THNSL1: variants seen among roughly 807,000 people sequenced by gnomAD.
THNSL1 encodes threonine synthase like 1, also known as threonine synthase-like 1.
A neutral mutation model predicts 50.4 loss-of-function variants in THNSL1; 48 were observed. That is an observed-to-expected ratio of 0.95 (90% CI 0.76 to 1.21). THNSL1 has a LOEUF of 1.21. Ranked by LOEUF, THNSL1 falls within the 50% of genes most tolerant of loss-of-function variation. The probability of loss-of-function intolerance (pLI) is 0.00; values close to 1 mark genes in which losing one functional copy is unlikely to be tolerated. For missense variants in THNSL1, 896 were observed against 871.7 expected (o/e 1.03, Z -0.35); for synonymous variants, 309 against 306.1 (o/e 1.01, Z -0.10).
Position 25,024,292 on chromosome 10 carries a change from CT to C in THNSL1, c.1071del (p.Met358CysfsTer16). On this transcript the variant is annotated frameshift_variant, in exon 3 of 3. Coordinates refer to ENST00000376356, the MANE Select transcript of THNSL1 (RefSeq NM_024838.5). LOFTEE classifies it high-confidence loss of function. ...ATCATTTAAAGATTTGTCTTTACAGCTTATGCCTCATATTTTTGCACACTGT... is the reference window on the plus strand; with the variant it reads ...ATCATTTAAAGATTTGTCTTTACAGCTATGCCTCATATTTTTGCACACTGT... Reference protein sequence around the residue: ...TGSFKDLSLQLMPHIFAHCIP... With the variant: ...TGSFKDLSLQXMPHIFAHCIP... The C allele has an allele frequency of 6.2e-7, 1 of 1,614,188 alleles. No individual in the cohort carries two copies.
chr10:24,999,689 G>T, the THNSL1 span: 1 of 779,450 alleles, frequency 1.3e-6, no homozygotes, highest in Non-Finnish European at 2.0e-6. Flanking sequence ...ATACTTACCT[G>T]AGCCCTGTCC....
At chr10:24,998,796 C>T in the THNSL1 span, among the ~76,000 whole-genome samples, 7 of 152,132 alleles carry the variant, frequency 4.6e-5, no homozygotes, top group South Asian at 1.5e-3. Context: ...AATAAAAACA[C>T]AAGGCTACTT....
chr10:24,984,862 G>T, the THNSL1 span: 5 of 1,613,268 alleles, frequency 3.1e-6, no homozygotes, highest in African/African-American at 2.7e-5. Flanking sequence ...GACCGAGAGG[G>T]ACTGGAATTC....
chr10:24,983,181 A>G, the THNSL1 span: 4 of 151,962 alleles, frequency 2.6e-5, no homozygotes, highest in African/African-American at 9.7e-5. Context: ...CAGTGATGTA[A>G]ATGAAAAATG....
chr10:25,016,911 T>C, intron 1 of THNSL1: 1 of 152,652 alleles, frequency 6.6e-6, no homozygotes, highest in Middle Eastern at 3.3e-3. Context: ...CTGCGCGCAT[T>C]TTTCCTGCTG....
chr10:25,010,353 G>A, the THNSL1 span, among the ~76,000 whole-genome samples: 3 of 152,188 alleles, frequency 2.0e-5, no homozygotes, highest in East Asian at 1.9e-4. Context: ...ATTTCTAAGC[G>A]GCAAAACATT....
chr10:24,995,977 T>C, the THNSL1 span: 1 of 837,226 alleles, frequency 1.2e-6, no homozygotes, highest in Non-Finnish European at 1.8e-6. Flanking sequence ...GTTGCAGTCA[T>C]AATATATTTA....
At chr10:24,982,600 C>T in the THNSL1 span, 1 of 152,208 alleles carries the variant, frequency 6.6e-6, no homozygotes, top group East Asian at 1.9e-4. Context: ...TGATCAGTCA[C>T]TGGTCAGCTG....
At chr10:24,967,309 G>A in the THNSL1 span, among the ~76,000 whole-genome samples, 1 of 152,164 alleles carries the variant, frequency 6.6e-6, no homozygotes, top group Admixed American at 6.5e-5. Context: ...GTGAAACCGT[G>A]TGATTTCTTT....
Position 25,025,257 on chromosome 10 carries a change from TTTAAAGA to T in THNSL1, c.2042_2048del (p.Ile681LysfsTer27). 6.2e-7 allele frequency: 1 copy of T among 1,614,198 alleles called. No individual in the cohort carries two copies. Among genetic ancestry groups the T allele is most frequent in the Non-Finnish European group, 8.5e-7 (1 of 1,180,036 alleles). On this transcript the variant is annotated frameshift_variant, in exon 3 of 3. Coordinates refer to ENST00000376356, the MANE Select transcript of THNSL1 (RefSeq NM_024838.5). LOFTEE classifies it high-confidence loss of function. ...AGTTTGCACCTGCTATCATGCAGGC[TTTAAAGA>T]TTAAAGAAATCAATGAGACTTCATC...
At chr10:24,958,980 G>A in the THNSL1 span, among the ~76,000 whole-genome samples, 1 of 152,204 alleles carries the variant, frequency 6.6e-6, no homozygotes, top group South Asian at 2.1e-4. Context: ...CACAGCTGCA[G>A]GAACTAGGGA....
chr10:25,021,502 G>A (rs988275282), intron 1 of THNSL1, among the ~76,000 whole-genome samples: 1 of 151,944 alleles, frequency 6.6e-6, no homozygotes, highest in African/African-American at 2.4e-5. Flanking sequence ...GTTTTTTATT[G>A]CTTGATGGTA....
At chr10:24,968,377 C>G in the THNSL1 span, among the ~76,000 whole-genome samples, 1 of 152,078 alleles carries the variant, frequency 6.6e-6, no homozygotes, top group Non-Finnish European at 1.5e-5. Flanking sequence ...TCTTGCCTAG[C>G]CAACAAGGCA....
the THNSL1 span, among the ~76,000 whole-genome samples, chr10:24,971,341 G>C: frequency 3.3e-3 from 500 of 150,410 alleles, 1 homozygote; most frequent in African/African-American, 0.012. Context: ...CTGGGCTTAA[G>C]CAATCCTTCC....
chr10:24,960,244 A>T, the THNSL1 span, among the ~76,000 whole-genome samples: 2 of 152,108 alleles, frequency 1.3e-5, no homozygotes, highest in African/African-American at 4.8e-5. Flanking sequence ...CAGCGAACCA[A>T]GAAGCAGAGC....
the THNSL1 span, chr10:24,983,189 A>G: frequency 6.6e-6 from 1 of 152,072 alleles, no homozygotes; most frequent in Non-Finnish European, 1.5e-5. Context: ...TAAATGAAAA[A>G]TGTATCTTTA....
the THNSL1 span, chr10:24,999,488 T>C: frequency 4.3e-6 from 7 of 1,613,318 alleles, no homozygotes; most frequent in East Asian, 6.7e-5. Flanking sequence ...ATAGTTTTCA[T>C]TGCAGTTTTA....
chr10:24,961,095 A>G, the THNSL1 span, among the ~76,000 whole-genome samples: 1 of 152,366 alleles, frequency 6.6e-6, no homozygotes, highest in Non-Finnish European at 1.5e-5. Context: ...ACTGGAAAAT[A>G]TAGAAAAACA....
chr10:25,000,965 T>C, the THNSL1 span, among the ~76,000 whole-genome samples: 5 of 152,108 alleles, frequency 3.3e-5, no homozygotes, highest in Non-Finnish European at 7.4e-5. Flanking sequence ...ACATGTGGTA[T>C]GAGAACCTTT....
Sources: allele counts gnomAD v4.1 joint callset (sites outside exome capture counted in the v4.1 genomes callset), GRCh38; gene constraint gnomAD v4.1.1; transcripts MANE v1.5; gene names NCBI Gene and HGNC (gene_info 2026-07-23, HGNC 2026-07-21).